The following TENM2 variants were observed in gnomAD, a reference collection of about 807,000 sequenced individuals.
TENM2 encodes the protein teneurin-2.
A neutral mutation model predicts 245.2 loss-of-function variants in TENM2; 52 were observed. That is an observed-to-expected ratio of 0.21 (90% CI 0.17 to 0.27). The LOEUF (loss-of-function observed/expected upper bound fraction) is 0.27. Ranked by LOEUF, TENM2 falls within the 10% of genes least tolerant of loss-of-function variation. The probability of loss-of-function intolerance (pLI) is 1.00; values close to 1 mark genes in which losing one functional copy is unlikely to be tolerated. For synonymous variants in TENM2, 1,363 were observed against 1,438.9 expected (o/e 0.95, Z 1.19); for missense variants, 3,046 against 3,666.8 (o/e 0.83, Z 4.37).
chr5:167,910,654 C>G (rs538214671), intron 3 of TENM2, among the ~76,000 whole-genome samples: 1 of 152,300 alleles, frequency 6.6e-6, no homozygotes, highest in South Asian at 2.1e-4. Flanking sequence ...AAAAACTAAC[C>G]TTTATACTAC....
intron 2 of TENM2, among the ~76,000 whole-genome samples, chr5:167,669,009 C>G (rs568236631): frequency 6.6e-5 from 10 of 152,238 alleles, no homozygotes; most frequent in African/African-American, 1.9e-4. Flanking sequence ...AAATTAACTG[C>G]AGAAGGTGCG....
intron 2 of TENM2, among the ~76,000 whole-genome samples, chr5:167,871,401 T>C (rs1772815682): frequency 6.8e-6 from 1 of 148,020 alleles, no homozygotes; most frequent in Non-Finnish European, 1.5e-5. Flanking sequence ...AAACTGGCTA[T>C]CGGTACTTTA....
chr5:167,477,439 G>T (rs1005492395), intron 2 of TENM2, among the ~76,000 whole-genome samples: 7 of 18,300 alleles, frequency 3.8e-4, no homozygotes, highest in South Asian at 5.2e-3. Flanking sequence ...TTGGCGGGTG[G>T]GGGGGGAGGT....
chr5:167,342,840 A>C (rs1390020873), intron 1 of TENM2, among the ~76,000 whole-genome samples: 2 of 145,864 alleles, frequency 1.4e-5, no homozygotes, highest in Non-Finnish European at 3.0e-5. Flanking sequence ...GTTATTCTTT[A>C]TCGTCCTTTC....
At chr5:167,280,920 C>T (rs1307942044), upstream of TENM2, among the ~76,000 whole-genome samples, 1 of 151,906 alleles carries the variant, frequency 6.6e-6, no homozygotes, top group Non-Finnish European at 1.5e-5. Flanking sequence ...CTTCTTTCTA[C>T]TTTTCATAAT....
At chr5:167,923,823 T>C (rs956358271) in intron 3 of TENM2, among the ~76,000 whole-genome samples, 1 of 152,142 alleles carries the variant, frequency 6.6e-6, no homozygotes, top group Non-Finnish European at 1.5e-5. Context: ...CTGTCTTATG[T>C]TGTCCCACCC....
At chr5:167,811,628 C>G (rs1434318753) in intron 2 of TENM2, among the ~76,000 whole-genome samples, 1 of 152,022 alleles carries the variant, frequency 6.6e-6, no homozygotes, top group Non-Finnish European at 1.5e-5. Flanking sequence ...AAATATTTGT[C>G]AAGATGTTAA....
intron 2 of TENM2, among the ~76,000 whole-genome samples, chr5:167,492,537 A>G (rs1282057243): frequency 1.3e-5 from 2 of 152,128 alleles, no homozygotes; most frequent in East Asian, 3.8e-4. Flanking sequence ...TTTTATATTT[A>G]GGCTTCTGTA....
At position 167,923,682 on chromosome 5, in the gene TENM2, A is replaced by G. The variant is rs76826549; in HGVS notation, c.713-28906A>G. 9.8e-3 allele frequency among the ~76,000 whole-genome samples: 1,498 copies of G among 152,244 alleles called. 28 individuals are homozygous for G. The highest frequency in any genetic ancestry group is 0.034 in the African/African-American group (1,411 of 41,534). On this transcript the variant is annotated intron_variant, in intron 3 of 28. Coordinates refer to ENST00000518659, the Ensembl canonical transcript of TENM2. The stretch of plus-strand genomic sequence containing the variant: ...AGCAGCCCTGTAAAATAAATGTTTT[A>G]ACTTCCATTTTACAAATAAGCAAAT...
At chr5:167,900,968 T>C (rs534321622) in intron 3 of TENM2, among the ~76,000 whole-genome samples, 141 of 152,230 alleles carry the variant, frequency 9.3e-4, no homozygotes, top group African/African-American at 3.3e-3. Context: ...AAAAAAGGCC[T>C]GAGATGTCTT....
intron 25 of TENM2, among the ~76,000 whole-genome samples, chr5:168,237,859 C>T (rs1334302248): frequency 6.6e-6 from 1 of 151,552 alleles, no homozygotes; most frequent in Non-Finnish European, 1.5e-5. Context: ...TTTTAAATCC[C>T]AGGCCGGGCG....
chr5:167,608,640 CAGGG>C (rs1190249309), intron 2 of TENM2, among the ~76,000 whole-genome samples: 2 of 152,192 alleles, frequency 1.3e-5, no homozygotes, highest in African/African-American at 2.4e-5. Flanking sequence ...ACATTTGTCA[CAGGG>C]AGTAAAAAGC....
intron 2 of TENM2, among the ~76,000 whole-genome samples, chr5:167,874,890 C>T (rs528219804): frequency 1.6e-4 from 24 of 152,260 alleles, no homozygotes; most frequent in African/African-American, 5.1e-4. Context: ...TTTCTTTGTC[C>T]GAAAACCACA....
chr5:167,524,921 C>T (rs1030677945), intron 2 of TENM2, among the ~76,000 whole-genome samples: 16 of 151,916 alleles, frequency 1.1e-4, no homozygotes, highest in African/African-American at 3.9e-4. Flanking sequence ...AAGAAGTTAG[C>T]AGCATAAACT....
At chr5:166,989,246 G>C in the TENM2 span, among the ~76,000 whole-genome samples, 1 of 129,466 alleles carries the variant, frequency 7.7e-6, no homozygotes, top group African/African-American at 3.0e-5. Flanking sequence ...ACCACACCAA[G>C]CTAATCTTTT....
intron 2 of TENM2, among the ~76,000 whole-genome samples, chr5:167,810,835 A>C (rs558735278): frequency 3.1e-4 from 47 of 152,220 alleles, no homozygotes; most frequent in African/African-American, 7.5e-4. Flanking sequence ...CCCTGCTATT[A>C]AGGCCCTTCT....
At chr5:167,221,184 C>G in the TENM2 span, among the ~76,000 whole-genome samples, 1 of 152,042 alleles carries the variant, frequency 6.6e-6, no homozygotes, top group Non-Finnish European at 1.5e-5. Context: ...TGGATATGGT[C>G]CCTGCCTTTT....
the TENM2 span, among the ~76,000 whole-genome samples, chr5:166,994,548 T>A: frequency 6.6e-6 from 1 of 152,196 alleles, no homozygotes; most frequent in Non-Finnish European, 1.5e-5. Flanking sequence ...TGATGTGCCA[T>A]TTTTCTGATG....
chr5:167,081,422 A>G, the TENM2 span, among the ~76,000 whole-genome samples: 1 of 152,056 alleles, frequency 6.6e-6, no homozygotes, highest in Admixed American at 6.5e-5. Flanking sequence ...AATAATATAA[A>G]TGGTTTTTAA....
Sources: allele counts gnomAD v4.1 joint callset (sites outside exome capture counted in the v4.1 genomes callset), GRCh38; gene constraint gnomAD v4.1.1; transcripts MANE v1.5; gene names NCBI Gene and HGNC (gene_info 2026-07-23, HGNC 2026-07-21).